Variants in GFOD1 observed in about 807,000 individuals in gnomAD.
GFOD1 encodes the protein Gfo/Idh/MocA-like oxidoreductase domain containing 1.
Under a neutral mutation model 25.4 loss-of-function variants are expected in GFOD1, and 9 were observed. The observed-to-expected ratio is 0.35, with a 90% CI of 0.21 to 0.62. The LOEUF (loss-of-function observed/expected upper bound fraction) is 0.62, where lower values mean the gene tolerates loss of function less well. GFOD1 is among the 20% of genes least tolerant of loss of function. The pLI is 0.72. For synonymous variants in GFOD1, 253 were observed against 245.6 expected (o/e 1.03, Z -0.28); for missense variants, 403 against 556.9 (o/e 0.72, Z 2.78).
In GFOD1 at chr6:13,365,808, G is replaced by T; in HGVS notation, c.254-146C>A. The T allele has an allele frequency of 1.5e-6, 1 of 685,832 alleles. No individual in the cohort carries two copies. The highest frequency in any genetic ancestry group is 2.4e-6 in the Non-Finnish European group (1 of 419,092). The allele number at this position is 685,832 out of a possible 1,614,324, so 42.5% of individuals were successfully genotyped here. On this transcript the variant is annotated intron_variant, in intron 1 of 1. Coordinates refer to ENST00000379287, the MANE Select transcript of GFOD1 (RefSeq NM_018988.4). The surrounding 1 kb of genome is among the most constrained non-coding windows in gnomAD (Gnocchi z 9.2). Reference sequence around the variant, plus strand: ...GCCTGTTGTCCCAGCACTTTGGGAGGCCAAGGCCGGAGGAGGCCTTGAGCC... The same window carrying T: ...GCCTGTTGTCCCAGCACTTTGGGAGTCCAAGGCCGGAGGAGGCCTTGAGCC...
intron 1 of GFOD1, among the ~76,000 whole-genome samples, chr6:13,374,728 C>CTTTTT (rs147560408): frequency 1.3e-4 from 9 of 66,800 alleles, no homozygotes; most frequent in Non-Finnish European, 2.4e-4. Flanking sequence ...CATCTCAAAT[C>CTTTTT]TTTTTTTTTT....
intron 1 of GFOD1, among the ~76,000 whole-genome samples, chr6:13,388,308 C>G (rs751923451): frequency 3.3e-5 from 5 of 152,196 alleles, no homozygotes; most frequent in Non-Finnish European, 7.3e-5. Flanking sequence ...ATAGCCAAGA[C>G]AATCCTAAGC....
At chr6:13,469,381 T>A (rs1758436868) in intron 1 of GFOD1, 1 of 985,252 alleles carries the variant, frequency 1.0e-6, no homozygotes. Context: ...TTTTTTAACA[T>A]CCTGTGGGAT....
rs948310769 is a variant in GFOD1, at chr6:13,358,529, A to G, written c.*6214T>C. On this transcript the variant is annotated 3_prime_UTR_variant, in exon 2 of 2. Coordinates refer to ENST00000379287, the MANE Select transcript of GFOD1 (RefSeq NM_018988.4). Reference sequence around the variant, plus strand: ...GGCAAGGCACAGGGCAGAATACTAAATACGTCCAGGTGCCTGAAAGAGAAG... The same window carrying G: ...GGCAAGGCACAGGGCAGAATACTAAGTACGTCCAGGTGCCTGAAAGAGAAG... 1 of 152,214 alleles carries G rather than the reference A, an allele frequency of 6.6e-6. No homozygotes were observed. Among genetic ancestry groups the G allele is most frequent in the Non-Finnish European group, 1.5e-5 (1 of 68,040 alleles). 9.4% of individuals were successfully genotyped at this position (152,214 alleles called of 1,614,324 possible).
chr6:13,429,647 A>G (rs1228090211), intron 1 of GFOD1, among the ~76,000 whole-genome samples: 1 of 152,222 alleles, frequency 6.6e-6, no homozygotes, highest in Non-Finnish European at 1.5e-5. Flanking sequence ...GCTATCTGGA[A>G]GAAATAGAAC....
intron 1 of GFOD1, among the ~76,000 whole-genome samples, chr6:13,439,790 T>C (rs1757886598): frequency 6.6e-6 from 1 of 152,206 alleles, no homozygotes; most frequent in Non-Finnish European, 1.5e-5. Context: ...TCTCAACATG[T>C]TTACCCAGGG....
At chr6:13,415,399 G>A (rs570094827) in intron 1 of GFOD1, among the ~76,000 whole-genome samples, 4 of 152,264 alleles carry the variant, frequency 2.6e-5, no homozygotes, top group South Asian at 2.1e-4. Context: ...TTATGGGAGC[G>A]AAGAAGGGGT....
At chr6:13,470,297 T>A (rs1758471361) in intron 1 of GFOD1, 1 of 1,585,758 alleles carries the variant, frequency 6.3e-7, no homozygotes, top group Admixed American at 1.7e-5. Context: ...AGGCTGTGGC[T>A]GGAGGCCCGC....
At chr6:13,469,706 C>T in intron 1 of GFOD1, 1 of 1,181,702 alleles carries the variant, frequency 8.5e-7, no homozygotes, top group African/African-American at 1.6e-5. Flanking sequence ...CCCTTTTAGA[C>T]ATATCTATAT....
intron 1 of GFOD1, among the ~76,000 whole-genome samples, chr6:13,460,042 G>T (rs1758264810): frequency 6.6e-6 from 1 of 152,236 alleles, no homozygotes. Context: ...GCTGAGGCAG[G>T]AGAATCACTT....
chr6:13,422,672 C>T (rs528007949), intron 1 of GFOD1, among the ~76,000 whole-genome samples: 1 of 152,304 alleles, frequency 6.6e-6, no homozygotes, highest in East Asian at 1.9e-4. Flanking sequence ...CCCGTGTCCC[C>T]CTCCATTCAG....
chr6:13,403,829 G>C (rs112567791), intron 1 of GFOD1, among the ~76,000 whole-genome samples: 4,565 of 152,228 alleles, frequency 0.03, 201 homozygotes, highest in African/African-American at 0.1. Flanking sequence ...CAAATCTATA[G>C]AAACAGAAAA....
intron 1 of GFOD1, among the ~76,000 whole-genome samples, chr6:13,482,313 A>T (rs1758770472): frequency 6.7e-6 from 1 of 148,868 alleles, no homozygotes; most frequent in South Asian, 2.1e-4. Context: ...TTTATGTAAT[A>T]AATTTAATAC....
At chr6:13,402,820 A>G (rs1584630661) in intron 1 of GFOD1, among the ~76,000 whole-genome samples, 1 of 152,236 alleles carries the variant, frequency 6.6e-6, no homozygotes, top group Non-Finnish European at 1.5e-5. Context: ...AGCAATTCCA[A>G]TCCTAGGTAT....
At chr6:13,461,604 T>A (rs751730723) in intron 1 of GFOD1, among the ~76,000 whole-genome samples, 1 of 152,130 alleles carries the variant, frequency 6.6e-6, no homozygotes, top group African/African-American at 2.4e-5. Context: ...CATTGCCCGG[T>A]CACCTCTGTG....
intron 1 of GFOD1, among the ~76,000 whole-genome samples, chr6:13,483,654 A>G (rs73368959): frequency 6.6e-6 from 1 of 152,326 alleles, no homozygotes; most frequent in East Asian, 1.9e-4. Flanking sequence ...GATGGCATCA[A>G]ACAGGTTTGG....
chr6:13,478,484 T>C (rs1758677514), intron 1 of GFOD1, among the ~76,000 whole-genome samples: 1 of 152,232 alleles, frequency 6.6e-6, no homozygotes, highest in Non-Finnish European at 1.5e-5. Context: ...ATTCTTAGAA[T>C]CAGCACTTTT....
intron 1 of GFOD1, among the ~76,000 whole-genome samples, chr6:13,424,699 T>C (rs1421535257): frequency 6.6e-6 from 1 of 151,974 alleles, no homozygotes; most frequent in African/African-American, 2.4e-5. Flanking sequence ...ATAGTGGTTA[T>C]TCCTCATTGA....
At chr6:13,433,399 G>A (rs548299335) in intron 1 of GFOD1, among the ~76,000 whole-genome samples, 27 of 152,290 alleles carry the variant, frequency 1.8e-4, no homozygotes, top group Non-Finnish European at 3.1e-4. Context: ...GATTACAGGC[G>A]TGAGCCACCA....
Sources: gnomAD v4.1 joint callset for allele counts (sites outside exome capture counted in the v4.1 genomes callset) on GRCh38, gnomAD v4.1.1 for gene constraint, Gnocchi (gnomAD v3.1) non-coding constraint, MANE v1.5 for transcripts, NCBI Gene and HGNC (gene_info 2026-07-23, HGNC 2026-07-21) for gene names.